PCDHGB6: variants seen among roughly 807,000 people sequenced by gnomAD.
PCDHGB6 encodes protocadherin gamma-B6.
Under a neutral mutation model 59.1 loss-of-function variants are expected in PCDHGB6, and 51 were observed. The observed-to-expected ratio is 0.86, with a 90% CI of 0.69 to 1.09. PCDHGB6 has a LOEUF of 1.09. Ranked by LOEUF, PCDHGB6 falls within the 50% of genes least tolerant of loss-of-function variation. PCDHGB6 has a pLI of 0.00. For synonymous variants in PCDHGB6, 466 were observed against 495.1 expected (o/e 0.94, Z 0.78); for missense variants, 1,148 against 1,205.1 (o/e 0.95, Z 0.70).
chr5:141,438,599 T>C (rs1320902737), intron 1 of PCDHGB6, among the ~76,000 whole-genome samples: 17 of 32,510 alleles, frequency 5.2e-4, no homozygotes, highest in African/African-American at 6.7e-4. Flanking sequence ...TACATATATA[T>C]ATATATATAT....
intron 1 of PCDHGB6, chr5:141,426,302 A>G (rs1590676929): frequency 1.2e-5 from 2 of 172,322 alleles, no homozygotes; most frequent in East Asian, 1.4e-4. Context: ...AACAGGGTGA[A>G]GCAGAGAAGC....
chr5:141,417,644 AG>A, intron 1 of PCDHGB6: 1 of 779,202 alleles, frequency 1.3e-6, no homozygotes, highest in South Asian at 2.1e-5. Flanking sequence ...GGGATCCCTC[AG>A]CCTCTAGCCT....
chr5:141,454,998 G>C (rs909142112), intron 1 of PCDHGB6, among the ~76,000 whole-genome samples: 27 of 151,220 alleles, frequency 1.8e-4, no homozygotes, highest in African/African-American at 5.8e-4. Context: ...ATTTTTAGTA[G>C]AGACGGGGTT....
chr5:141,423,927 T>A, intron 1 of PCDHGB6: 1 of 1,240,434 alleles, frequency 8.1e-7, no homozygotes, highest in Non-Finnish European at 1.0e-6. Context: ...TATGCTGGTT[T>A]GGTTTGAAGT....
At position 141,420,439 on chromosome 5, in the gene PCDHGB6, C is replaced by T. The variant is rs2096496531; in HGVS notation, c.2418+9819C>T. ...TTAAAACAAAAGTTTAAATTAAATGCCTCAGTCTTCCTACTATTCAAAGAC... is the reference window on the plus strand; with the variant it reads ...TTAAAACAAAAGTTTAAATTAAATGTCTCAGTCTTCCTACTATTCAAAGAC... On this transcript the variant is annotated intron_variant, in intron 1 of 3. Coordinates refer to ENST00000520790, the MANE Select transcript of PCDHGB6 (RefSeq NM_018926.3). 10 of 1,073,160 alleles carry T rather than the reference C, an allele frequency of 9.3e-6. No individual in the cohort carries two copies. In the South Asian group the frequency reaches 2.0e-4, roughly 22 times the overall value. The allele number at this position is 1,073,160 out of a possible 1,614,324, so 66.5% of individuals were successfully genotyped here.
intron 1 of PCDHGB6, chr5:141,419,596 G>T: frequency 6.2e-7 from 1 of 1,611,682 alleles, no homozygotes; most frequent in Non-Finnish European, 8.5e-7. Flanking sequence ...ACACAGTGCC[G>T]CGGGCCGCGC....
In PCDHGB6 at chr5:141,409,033, A is replaced by T; in HGVS notation, c.831A>T (p.Ile277=). The T allele has an allele frequency of 6.2e-7, 1 of 1,614,028 alleles. No individual in the cohort carries two copies. The highest frequency in any genetic ancestry group is 8.5e-7 in the Non-Finnish European group (1 of 1,179,900). Residue 277 remains isoleucine (I), a synonymous_variant, in exon 1 of 4, where the codon ATA becomes ATT. Coordinates refer to ENST00000520790, the MANE Select transcript of PCDHGB6 (RefSeq NM_018926.3). ...TDQDEGVNAE[I]NYYFRSTAQS... ...AGGATGAGGGGGTCAATGCTGAGAT[A>T]AACTACTACTTCCGAAGCACTGCCC... is the stretch of plus-strand genomic sequence containing the variant.
intron 1 of PCDHGB6, chr5:141,417,843 G>C: frequency 6.5e-7 from 1 of 1,539,250 alleles, no homozygotes; most frequent in Non-Finnish European, 8.8e-7. Context: ...GGGACCCAGC[G>C]AGAACCCGAG....
chr5:141,454,693 A>G (rs951819293), intron 1 of PCDHGB6, among the ~76,000 whole-genome samples: 1 of 151,738 alleles, frequency 6.6e-6, no homozygotes, highest in Non-Finnish European at 1.5e-5. Context: ...GGCATGAGCC[A>G]CCATGCTCCA....
intron 1 of PCDHGB6, chr5:141,427,962 G>T: frequency 2.5e-6 from 4 of 1,590,100 alleles, no homozygotes; most frequent in Non-Finnish European, 3.4e-6. Flanking sequence ...TGTGCCGCGG[G>T]TGCTGTACCC....
chr5:141,478,624 T>C (rs1300260980), intron 1 of PCDHGB6: 3 of 1,554,196 alleles, frequency 1.9e-6, no homozygotes, highest in Non-Finnish European at 2.6e-6. Context: ...AATGGAGCTG[T>C]TTTTTTAGTG....
chr5:141,418,688 A>C, intron 1 of PCDHGB6: 2 of 1,614,032 alleles, frequency 1.2e-6, no homozygotes, highest in Non-Finnish European at 1.7e-6. Flanking sequence ...CAACTCAGAG[A>C]TCACTTATTC....
intron 1 of PCDHGB6, among the ~76,000 whole-genome samples, chr5:141,465,094 G>GTT (rs138941665): frequency 3.4e-5 from 5 of 148,194 alleles, no homozygotes; most frequent in Non-Finnish European, 6.0e-5. Flanking sequence ...TTTTCTAGTA[G>GTT]TTTTTTTTTT....
chr5:141,490,132 A>G lies in PCDHGB6; in HGVS notation c.2419-4675A>G, dbSNP rs1245562757. The G allele has an allele frequency of 3.7e-6, 6 of 1,614,102 alleles. No homozygotes were observed. In the African/African-American group the frequency reaches 4.0e-5, roughly 11 times the overall value. ...GCGGAACCTCTTTGGCCTAGACCCTAGCAGTGGGGCAATCCATGTGTTGGG... is the reference window on the plus strand; with the variant it reads ...GCGGAACCTCTTTGGCCTAGACCCTGGCAGTGGGGCAATCCATGTGTTGGG... On this transcript the variant is annotated intron_variant, in intron 1 of 3. Coordinates refer to ENST00000520790, the MANE Select transcript of PCDHGB6 (RefSeq NM_018926.3). The surrounding 1 kb of genome is among the most constrained non-coding windows in gnomAD (Gnocchi z 5.4).
chr5:141,446,043 A>T (rs1374577548), intron 1 of PCDHGB6, among the ~76,000 whole-genome samples: 2 of 152,226 alleles, frequency 1.3e-5, no homozygotes, highest in Non-Finnish European at 2.9e-5. Flanking sequence ...AAATGGAAGA[A>T]GAGCTGGCTT....
At position 141,476,606 on chromosome 5, in the gene PCDHGB6, G is replaced by T. The variant is rs2099394832; in HGVS notation, c.2419-18201G>T. The stretch of plus-strand genomic sequence containing the variant: ...GCTCGAGAGCGCGCACGATCCCGAT[G>T]TGGGAAGCAACTCTTTACAAACCTA... On this transcript the variant is annotated intron_variant, in intron 1 of 3. Transcript: ENST00000520790. The surrounding 1 kb of genome is among the most constrained non-coding windows in gnomAD (Gnocchi z 7.6). The T allele has an allele frequency of 1.9e-6, 3 of 1,614,126 alleles. No individual in the cohort carries two copies. Among genetic ancestry groups the T allele is most frequent in the Non-Finnish European group, 1.7e-6 (2 of 1,180,054 alleles).
chr5:141,498,827 G>C (rs2099786072), intron 2 of PCDHGB6, among the ~76,000 whole-genome samples: 1 of 152,102 alleles, frequency 6.6e-6, no homozygotes, highest in Non-Finnish European at 1.5e-5. Context: ...CAGCTACTCA[G>C]GAGGCTGAGG....
chr5:141,432,991 C>T lies in PCDHGB6; in HGVS notation c.2418+22371C>T. ...CGGCGTCGCACTTTGTGGGCGTGGA[C>T]GGGGTGCAGGCTTTCCTGCAGACCT... is the stretch of plus-strand genomic sequence containing the variant. On this transcript the variant is annotated intron_variant, in intron 1 of 3. Coordinates refer to ENST00000520790, the MANE Select transcript of PCDHGB6 (RefSeq NM_018926.3). This position sits in a 1 kb window ranked among gnomAD's most constrained non-coding sequence, Gnocchi z 6.0. 6.2e-7 allele frequency: 1 copy of T among 1,614,200 alleles called. No individual in the cohort carries two copies. The highest frequency in any genetic ancestry group is 8.5e-7 in the Non-Finnish European group (1 of 1,180,030).
At chr5:141,482,528 T>C (rs945815289) in intron 1 of PCDHGB6, among the ~76,000 whole-genome samples, 1 of 56,520 alleles carries the variant, frequency 1.8e-5, no homozygotes, top group Non-Finnish European at 2.8e-5. Flanking sequence ...GAGACAGACA[T>C]GCAAAAAAAA....
Sources: allele counts gnomAD v4.1 joint callset (sites outside exome capture counted in the v4.1 genomes callset), GRCh38; gene constraint gnomAD v4.1.1; non-coding constraint Gnocchi (gnomAD v3.1); transcripts MANE v1.5; gene names NCBI Gene and HGNC (gene_info 2026-07-23, HGNC 2026-07-21).